Variants in TAFA2 observed in about 807,000 individuals in gnomAD.
TAFA2 encodes the protein TAFA chemokine like family member 2, also known as chemokine-like protein TAFA-2.
Under a neutral mutation model 18.8 loss-of-function variants are expected in TAFA2, and 7 were observed. That is an observed-to-expected ratio of 0.37 (90% CI 0.21 to 0.70). The LOEUF (loss-of-function observed/expected upper bound fraction) is 0.70. TAFA2 is among the 30% of genes least tolerant of loss of function. The pLI is 0.53. For synonymous variants in TAFA2, 60 were observed against 54.2 expected (o/e 1.11, Z -0.47); for missense variants, 122 against 158.1 (o/e 0.77, Z 1.23).
chr12:62,136,446 C>A (rs1870899030), intron 1 of TAFA2, among the ~76,000 whole-genome samples: 1 of 152,058 alleles, frequency 6.6e-6, no homozygotes, highest in Non-Finnish European at 1.5e-5. Context: ...CTATCTCATT[C>A]CAATATTCAA....
At chr12:61,831,919 C>T (rs113618716) in intron 2 of TAFA2, among the ~76,000 whole-genome samples, 9 of 152,064 alleles carry the variant, frequency 5.9e-5, no homozygotes, top group Non-Finnish European at 7.4e-5. Flanking sequence ...TGAAATATTC[C>T]GTTCTAAATC....
rs1242429606 is a variant in TAFA2, at chr12:61,824,356, G to A, written c.106+42964C>T. Reference sequence around the variant, plus strand: ...CCACAGAAACCATGAGATAATAAATGTGTGTTGTTTAAGCTGCTAAAATTA... The same window carrying A: ...CCACAGAAACCATGAGATAATAAATATGTGTTGTTTAAGCTGCTAAAATTA... On this transcript the variant is annotated intron_variant, in intron 2 of 4. Transcript: ENST00000416284. 2.0e-5 allele frequency among the ~76,000 whole-genome samples: 3 copies of A among 152,276 alleles called. No homozygotes were observed. The East Asian group carries it at 5.8e-4, about 29-fold the overall frequency.
At chr12:62,117,598 C>T (rs1023151599) in intron 1 of TAFA2, among the ~76,000 whole-genome samples, 4 of 152,042 alleles carry the variant, frequency 2.6e-5, no homozygotes, top group Admixed American at 6.6e-5. Flanking sequence ...GGTTTCAGTA[C>T]TGTCTCAATT....
At chr12:61,936,960 T>A (rs1325754570) in intron 1 of TAFA2, among the ~76,000 whole-genome samples, 1 of 152,084 alleles carries the variant, frequency 6.6e-6, no homozygotes, top group East Asian at 1.9e-4. Context: ...ATAAACAATG[T>A]CTCAGGTTAC....
chr12:62,235,581 G>T, intron 1 of TAFA2: 1 of 316,752 alleles, frequency 3.2e-6, no homozygotes, highest in Non-Finnish European at 5.9e-6. Flanking sequence ...GGCATCGCAG[G>T]TGGTTATCGG....
intron 1 of TAFA2, among the ~76,000 whole-genome samples, chr12:62,078,902 C>T (rs949571666): frequency 2.0e-5 from 3 of 152,188 alleles, no homozygotes; most frequent in Non-Finnish European, 2.9e-5. Context: ...ATGCCATGTG[C>T]GACAGGAGGA....
chr12:61,757,637 C>T lies in TAFA2; in HGVS notation c.107-2613G>A, dbSNP rs891060248. 1.3e-5 allele frequency among the ~76,000 whole-genome samples: 2 copies of T among 151,842 alleles called. 1 individual carries two copies. Among genetic ancestry groups the T allele is most frequent in the African/African-American group, 4.8e-5 (2 of 41,366 alleles). The stretch of plus-strand genomic sequence containing the variant: ...CCAATAGAAAAAGAAGAAAAAAGAA[C>T]AGTCTAAAATCTAGATCTGGAATGG... On this transcript the variant is annotated intron_variant, in intron 2 of 4. Coordinates refer to ENST00000416284, the MANE Select transcript of TAFA2 (RefSeq NM_178539.5).
At chr12:61,953,356 G>A (rs1266441881) in intron 1 of TAFA2, among the ~76,000 whole-genome samples, 1 of 152,088 alleles carries the variant, frequency 6.6e-6, no homozygotes, top group Non-Finnish European at 1.5e-5. Flanking sequence ...CTAATCCACT[G>A]CAAAATAGGT....
At chr12:62,054,911 A>G (rs1882147170) in intron 1 of TAFA2, among the ~76,000 whole-genome samples, 1 of 152,242 alleles carries the variant, frequency 6.6e-6, no homozygotes, top group Non-Finnish European at 1.5e-5. Flanking sequence ...TCTAAATAAG[A>G]TTAAAGAACA....
intron 1 of TAFA2, among the ~76,000 whole-genome samples, chr12:61,922,070 G>A (rs760021896): frequency 1.3e-5 from 2 of 152,100 alleles, no homozygotes; most frequent in Non-Finnish European, 2.9e-5. Flanking sequence ...CAAGTTTAGA[G>A]AAGAAGTACC....
At chr12:61,733,607 G>T (rs1352683337) in intron 4 of TAFA2, among the ~76,000 whole-genome samples, 2 of 146,952 alleles carry the variant, frequency 1.4e-5, no homozygotes, top group Non-Finnish European at 3.0e-5. Flanking sequence ...ATTTCTGAGG[G>T]CTCTGTTCTG....
At chr12:61,862,632 C>G (rs1305197202) in intron 2 of TAFA2, among the ~76,000 whole-genome samples, 1 of 152,094 alleles carries the variant, frequency 6.6e-6, no homozygotes, top group Non-Finnish European at 1.5e-5. Context: ...TCCATAATGA[C>G]CTATCTACCA....
chr12:62,203,662 C>CT (rs936227825), intron 1 of TAFA2, among the ~76,000 whole-genome samples: 1 of 152,078 alleles, frequency 6.6e-6, no homozygotes, highest in Non-Finnish European at 1.5e-5. Flanking sequence ...GCAACCCCTG[C>CT]TTTTTTTGGC....
At chr12:62,053,592 A>G (rs1012163611) in intron 1 of TAFA2, among the ~76,000 whole-genome samples, 1 of 152,246 alleles carries the variant, frequency 6.6e-6, no homozygotes, top group Non-Finnish European at 1.5e-5. Context: ...TTAGCCAAAA[A>G]TAACACAAAG....
rs76206042 is a variant in TAFA2 at position 61,802,733 on chromosome 12, A to G, written c.107-47709T>C. Among the ~76,000 whole-genome samples the G allele has an allele frequency of 2.4e-3, 369 of 152,170 alleles. 17 individuals are homozygous for G. The East Asian group carries it at 0.055, about 23-fold the overall frequency. On this transcript the variant is annotated intron_variant, in intron 2 of 4. Transcript: ENST00000416284. The stretch of plus-strand genomic sequence containing the variant: ...TTGTACATTTTCAAATAGCTAGAAG[A>G]GAGGATTTTGAATGTTCCCAACAGA...
intron 2 of TAFA2, among the ~76,000 whole-genome samples, chr12:61,769,074 C>T (rs571342725): frequency 1.2e-3 from 180 of 151,954 alleles, no homozygotes; most frequent in African/African-American, 4.3e-3. Flanking sequence ...GCCAGCTTTC[C>T]CCCACTTCCC....
At chr12:62,098,277 G>C (rs1423564871) in intron 1 of TAFA2, among the ~76,000 whole-genome samples, 4 of 152,082 alleles carry the variant, frequency 2.6e-5, no homozygotes, top group Non-Finnish European at 5.9e-5. Flanking sequence ...AGAGTGAGTG[G>C]CTGAGGTTTA....
chr12:62,006,120 T>C (rs1880541918), intron 1 of TAFA2, among the ~76,000 whole-genome samples: 1 of 152,204 alleles, frequency 6.6e-6, no homozygotes, highest in Non-Finnish European at 1.5e-5. Flanking sequence ...CAGTATAAAA[T>C]CTACCCTGGT....
intron 2 of TAFA2, among the ~76,000 whole-genome samples, chr12:61,844,629 T>C (rs578049066): frequency 6.6e-5 from 10 of 152,200 alleles, no homozygotes; most frequent in Non-Finnish European, 1.5e-4. Flanking sequence ...TAAACAGAAA[T>C]AACAATTTTG....
Sources: gnomAD v4.1 joint callset for allele counts (sites outside exome capture counted in the v4.1 genomes callset) on GRCh38, gnomAD v4.1.1 for gene constraint, MANE v1.5 for transcripts, NCBI Gene and HGNC (gene_info 2026-07-23, HGNC 2026-07-21) for gene names.